Variants in SLC7A11 observed in about 807,000 individuals in gnomAD.
SLC7A11 encodes cystine/glutamate transporter.
In SLC7A11, 35 loss-of-function variants were observed where a neutral mutation model predicts 54.5. The observed-to-expected ratio is 0.64, with a 90% confidence interval of 0.49 to 0.85. The LOEUF (loss-of-function observed/expected upper bound fraction) is 0.85, where lower values mean the gene tolerates loss of function less well. Ranked by LOEUF, SLC7A11 falls within the 40% of genes least tolerant of loss-of-function variation. The pLI is 0.00. For synonymous variants in SLC7A11, 230 were observed against 225.2 expected, an observed-to-expected ratio of 1.02 and a Z score of -0.19; for missense variants, 583 against 618.1, an observed-to-expected ratio of 0.94 and a Z score of 0.60.
chr4:138,185,465 T>C (rs1031296205), intron 6 of SLC7A11, among the ~76,000 whole-genome samples: 1 of 152,162 alleles, frequency 6.6e-6, no homozygotes, highest in East Asian at 1.9e-4. Context: ...TCTTGTCTAT[T>C]GCTATACCCC....
rs1738401085 is a variant in SLC7A11, at chr4:138,242,243, T to G, written c.-174A>C. 1.6e-5 allele frequency: 11 copies of G among 686,340 alleles called. 1 individual carries two copies. The South Asian group carries it at 2.1e-4, about 13-fold the overall frequency. 42.5% of individuals were successfully genotyped at this position (686,340 alleles called of 1,614,324 possible). On this transcript the variant is annotated 5_prime_UTR_variant, in exon 1 of 12. An upstream open reading frame in the 5' UTR loses its in-frame stop. Transcript: ENST00000280612. ...GTGTGCTTTTTCCTTCACAGCGATC[T>G]AATTACTACTCAGAAACACCTGTGT...
intron 6 of SLC7A11, among the ~76,000 whole-genome samples, chr4:138,210,218 T>A (rs944326540): frequency 4.6e-5 from 7 of 152,032 alleles, no homozygotes; most frequent in African/African-American, 1.7e-4. Context: ...ACTGGACCCC[T>A]ATCTTTGATC....
At chr4:138,198,810 G>T (rs1737202879) in intron 6 of SLC7A11, among the ~76,000 whole-genome samples, 1 of 152,042 alleles carries the variant, frequency 6.6e-6, no homozygotes, top group African/African-American at 2.4e-5. Context: ...TGTCCAACAA[G>T]AAAATGAGCA....
chr4:138,191,050 C>T (rs1199384190), intron 6 of SLC7A11, among the ~76,000 whole-genome samples: 1 of 151,942 alleles, frequency 6.6e-6, no homozygotes, highest in African/African-American at 2.4e-5. Context: ...AGACATAGCA[C>T]ATAGTTGCAG....
chr4:138,200,703 G>C (rs575308443), intron 6 of SLC7A11, among the ~76,000 whole-genome samples: 51 of 152,010 alleles, frequency 3.4e-4, no homozygotes, highest in Non-Finnish European at 5.7e-4. Flanking sequence ...CACAATAAAA[G>C]GGTTGTGAAT....
intron 8 of SLC7A11, 142 bp downstream of exon 8, chr4:138,183,060 C>T (rs1736785273): frequency 1.6e-6 from 1 of 633,740 alleles, no homozygotes; most frequent in Admixed American, 2.8e-5. Context: ...GCTGTTGATA[C>T]TTGGACCAAT....
chr4:138,215,765 A>C (rs1219672726), intron 5 of SLC7A11, among the ~76,000 whole-genome samples: 1 of 148,924 alleles, frequency 6.7e-6, no homozygotes, highest in Non-Finnish European at 1.5e-5. Flanking sequence ...AGAAAAAAAA[A>C]CACATGCACA....
chr4:138,223,308 T>C lies in SLC7A11; in HGVS notation c.537A>G (p.Leu179=). The change falls in exon 4 of 12, where the codon CTA becomes CTG. Residue 179 remains leucine (L), a synonymous_variant. Transcript: ENST00000280612. ...CGCTCCAGCTGACACTCATGCTATT[T>C]AGGACCATCACTACAGCTGCAAACA... ...TAVGITVVMV[L]NSMSVSWSAR... 1 of 1,613,588 alleles carries C rather than the reference T, an allele frequency of 6.2e-7. No individual in the cohort carries two copies. The highest frequency in any genetic ancestry group is 1.1e-5 in the South Asian group (1 of 91,064).
At chr4:138,211,183 A>G (rs1737539130) in intron 6 of SLC7A11, among the ~76,000 whole-genome samples, 1 of 151,884 alleles carries the variant, frequency 6.6e-6, no homozygotes, top group Non-Finnish European at 1.5e-5. Flanking sequence ...ATTGGGAGGT[A>G]AACATTGGGT....
At chr4:138,214,513 G>C (rs1723979352) in intron 6 of SLC7A11, 72 bp downstream of exon 6, 3 of 827,112 alleles carry the variant, frequency 3.6e-6, no homozygotes, top group Non-Finnish European at 5.7e-6. Context: ...CCTTCTTCAA[G>C]TCTGCTTTTT....
intron 4 of SLC7A11, 81 bp downstream of exon 4, chr4:138,223,118 G>C: frequency 7.9e-7 from 1 of 1,269,984 alleles, no homozygotes. Flanking sequence ...TAAGGATTCT[G>C]TTAGTACAAG....
intron 6 of SLC7A11, among the ~76,000 whole-genome samples, chr4:138,188,897 A>T (rs141539679): frequency 7.5e-4 from 114 of 152,312 alleles, no homozygotes; most frequent in Non-Finnish European, 1.4e-3. Context: ...GTTATGACTA[A>T]CGAAATACCA....
chr4:138,236,504 C>T (rs1435747237), intron 1 of SLC7A11, 53 bp from the exon 2 acceptor site: 5 of 1,529,464 alleles, frequency 3.3e-6, no homozygotes, highest in African/African-American at 1.4e-5. Flanking sequence ...TTCAAGACAC[C>T]CAGCATTAGA....
intron 6 of SLC7A11, among the ~76,000 whole-genome samples, chr4:138,189,052 T>C (rs970563397): frequency 3.3e-5 from 5 of 152,186 alleles, no homozygotes; most frequent in Admixed American, 2.6e-4. Flanking sequence ...TCTTTTCTTA[T>C]GGGCTTATTT....
intron 3 of SLC7A11, among the ~76,000 whole-genome samples, chr4:138,231,087 A>C (rs1738066332): frequency 6.6e-6 from 1 of 152,202 alleles, no homozygotes; most frequent in Non-Finnish European, 1.5e-5. Flanking sequence ...AAAGAAAAAG[A>C]AAGTCAAATA....
In SLC7A11 at chr4:138,170,205, C is replaced by CTATATATATATATATATATA. The variant is rs760391383; in HGVS notation, c.*1731_*1750dup. 2.0e-5 allele frequency: 2 copies of CTATATATATATATATATATA among 98,136 alleles called. No homozygotes were observed. The highest frequency in any genetic ancestry group is 2.0e-5 in the Non-Finnish European group (1 of 49,446). 6.1% of individuals were successfully genotyped at this position (98,136 alleles called of 1,614,324 possible). A position where few individuals can be genotyped will look rare whatever the true frequency, so the allele number is the denominator to read the frequency against. On this transcript the variant is annotated 3_prime_UTR_variant, in exon 12 of 12. Coordinates refer to ENST00000280612, the MANE Select transcript of SLC7A11 (RefSeq NM_014331.4). ...ATATTACTCTCATTTGTAAGTTCCA[C>CTATATATATATATATATATA]TATATATATATATATATATATATAA...
chr4:138,219,388 T>C (rs759510450), intron 4 of SLC7A11, 23 bp from the exon 5 acceptor site: 1 of 1,400,638 alleles, frequency 7.1e-7, no homozygotes, highest in East Asian at 2.3e-5. Flanking sequence ...TAGACTGATT[T>C]TAGGATTTTT....
intron 11 of SLC7A11, chr4:138,176,572 G>A (rs1008255609): frequency 6.6e-6 from 1 of 152,168 alleles, no homozygotes; most frequent in African/African-American, 2.4e-5. Flanking sequence ...GTGCTTGTTA[G>A]CAAGAGGAAA....
At chr4:138,185,096 T>C in intron 7 of SLC7A11, 25 bp downstream of exon 7, 1 of 1,611,728 alleles carries the variant, frequency 6.2e-7, no homozygotes, top group Non-Finnish European at 8.5e-7. Context: ...AAATTCCAAT[T>C]GGCATTTTCC....
Sources: allele counts gnomAD v4.1 joint callset (sites outside exome capture counted in the v4.1 genomes callset), GRCh38; gene constraint gnomAD v4.1.1; transcripts MANE v1.5; gene names NCBI Gene and HGNC (gene_info 2026-07-23, HGNC 2026-07-21).